RPS6KA6: variants seen among roughly 807,000 people sequenced by gnomAD.
RPS6KA6 encodes ribosomal protein S6 kinase A6.
RPS6KA6 carries 27 observed loss-of-function variants against 65.4 expected under a neutral mutation model. The observed-to-expected ratio is 0.41, with a 90% CI of 0.30 to 0.57. RPS6KA6 has a LOEUF of 0.57. Among genes scored for constraint, RPS6KA6 ranks in the 20% least tolerant of loss-of-function variants. RPS6KA6 has a pLI of 0.24. For synonymous variants in RPS6KA6, 190 were observed against 184.2 expected, an observed-to-expected ratio of 1.03 and a Z score of -0.26; for missense variants, 486 against 555.6, an observed-to-expected ratio of 0.87 and a Z score of 1.26.
chrX:84,102,407 G>C (rs12690094), intron 17 of RPS6KA6, among the ~76,000 whole-genome samples: 6,865 of 110,192 alleles, frequency 0.062, 230 homozygotes, highest in East Asian at 0.21. Flanking sequence ...AGTTTCTATT[G>C]TCTCAAAAGC....
intron 1 of RPS6KA6, among the ~76,000 whole-genome samples, chrX:84,184,583 C>G (rs997955875): frequency 5.4e-5 from 6 of 110,962 alleles, no homozygotes; most frequent in Non-Finnish European, 1.1e-4. Context: ...CCAGATTTAC[C>G]TGCCTTCAAA....
At chrX:84,110,834 TAGCA>T (rs1488515038) in intron 12 of RPS6KA6, among the ~76,000 whole-genome samples, 1 of 111,068 alleles carries the variant, frequency 9.0e-6, no homozygotes, top group Non-Finnish European at 1.9e-5. Context: ...AGTACCTACC[TAGCA>T]ATGAATCTTA....
chrX:84,153,554 A>G (rs931456367), intron 3 of RPS6KA6, among the ~76,000 whole-genome samples: 2 of 111,788 alleles, frequency 1.8e-5, no homozygotes, highest in Non-Finnish European at 1.9e-5. Context: ...CCACTGTTAA[A>G]TAGACAATAA....
chrX:84,081,041 G>A (rs1225279548), intron 20 of RPS6KA6, among the ~76,000 whole-genome samples: 5 of 111,432 alleles, frequency 4.5e-5, no homozygotes, highest in South Asian at 3.8e-4. Context: ...ATCTAAAATC[G>A]ACAATCTAAC....
intron 20 of RPS6KA6, among the ~76,000 whole-genome samples, chrX:84,092,405 C>T (rs1411748076): frequency 9.1e-6 from 1 of 109,872 alleles, no homozygotes. Context: ...GGGCAGATCA[C>T]GAGGTCAAGA....
chrX:84,117,472 A>C lies in RPS6KA6; in HGVS notation c.790-18T>G, dbSNP rs1456283160. 1.2e-5 allele frequency: 13 copies of C among 1,049,801 alleles called. No homozygotes were observed. The highest frequency in any genetic ancestry group is 1.6e-5 in the Non-Finnish European group (12 of 771,980). 86.5% of individuals were successfully genotyped at this position (1,049,801 alleles called of 1,213,427 possible). On this transcript the variant is annotated intron_variant, in intron 9 of 21. Coordinates refer to ENST00000262752, the MANE Select transcript of RPS6KA6 (RefSeq NM_014496.5). ...ATTTCAAACTAAAACAAACAAACAA[A>C]ACACACCACACAATTAGAACACCTT...
At chrX:84,164,437 T>C (rs770089994) in intron 1 of RPS6KA6, 50 bp from the exon 2 acceptor site, 1 of 885,665 alleles carries the variant, frequency 1.1e-6, no homozygotes, top group Non-Finnish European at 1.6e-6. Context: ...AAAACAAGAG[T>C]GATAACTAAG....
At position 84,060,987 on chromosome X, in the gene RPS6KA6, G is replaced by A. The variant is rs1025600727; in HGVS notation, c.*3290C>T. 5 of 112,398 alleles carry A rather than the reference G, an allele frequency of 4.4e-5. No individual in the cohort carries two copies. The highest frequency in any genetic ancestry group is 1.6e-4 in the African/African-American group (5 of 30,958). 9.3% of individuals were successfully genotyped at this position (112,398 alleles called of 1,213,427 possible). A position where few individuals can be genotyped will look rare whatever the true frequency, so the allele number is the denominator to read the frequency against. On this transcript the variant is annotated 3_prime_UTR_variant, in exon 22 of 22. Transcript: ENST00000262752. The stretch of plus-strand genomic sequence containing the variant: ...ATGGATATCCTGATTTGGGGAAGAG[G>A]AAGAGGAAGGAACAAGGAGTAAGGA...
intron 6 of RPS6KA6, among the ~76,000 whole-genome samples, chrX:84,139,759 A>C (rs2147526054): frequency 8.9e-6 from 1 of 112,578 alleles, no homozygotes; most frequent in African/African-American, 3.2e-5. Flanking sequence ...GAAAAATCTA[A>C]AACACAGGAC....
intron 6 of RPS6KA6, among the ~76,000 whole-genome samples, chrX:84,137,772 T>A (rs2035018949): frequency 8.9e-6 from 1 of 112,389 alleles, no homozygotes; most frequent in African/African-American, 3.2e-5. Context: ...TGTTTGTGCC[T>A]ATTTTCTATT....
intron 20 of RPS6KA6, among the ~76,000 whole-genome samples, chrX:84,086,283 A>T (rs995796547): frequency 9.0e-6 from 1 of 110,980 alleles, no homozygotes; most frequent in Non-Finnish European, 1.9e-5. Flanking sequence ...TAACTTTTTG[A>T]TGTGGACATT....
At chrX:84,132,290 T>C (rs900460377) in intron 8 of RPS6KA6, among the ~76,000 whole-genome samples, 1 of 110,218 alleles carries the variant, frequency 9.1e-6, no homozygotes. Context: ...TGTGGTGGCA[T>C]GTTCCTGAAG....
chrX:84,157,333 T>C (rs1476421502), intron 2 of RPS6KA6, among the ~76,000 whole-genome samples: 4 of 111,911 alleles, frequency 3.6e-5, no homozygotes, highest in Non-Finnish European at 7.5e-5. Flanking sequence ...AGATGTTTCT[T>C]ATACATCAAA....
At chrX:84,087,868 T>C (rs1428056621) in intron 20 of RPS6KA6, among the ~76,000 whole-genome samples, 3 of 112,272 alleles carry the variant, frequency 2.7e-5, no homozygotes, top group Non-Finnish European at 5.6e-5. Flanking sequence ...TTCTTTTTTC[T>C]CTATTCTTGT....
chrX:84,122,519 A>T (rs1271854517), intron 8 of RPS6KA6, among the ~76,000 whole-genome samples: 1 of 108,565 alleles, frequency 9.2e-6, no homozygotes, highest in African/African-American at 3.4e-5. Flanking sequence ...CTTTTAGTAG[A>T]GGCAGGGTTT....
rs1019625031 is a variant in RPS6KA6 at position 84,069,400 on chromosome X, T to C, written c.1972-4289A>G. On this transcript the variant is annotated intron_variant, in intron 20 of 21. Coordinates refer to ENST00000262752, the MANE Select transcript of RPS6KA6 (RefSeq NM_014496.5). ...AACTGGACCCTTTCCTCACACCTTA[T>C]ATAAAAATTAACTCAAGGTGGATTA... Among the ~76,000 whole-genome samples the C allele has an allele frequency of 5.4e-5, 6 of 111,961 alleles. No homozygotes were observed. The Admixed American group carries it at 5.7e-4, about 11-fold the overall frequency.
rs1297731983 is a variant in RPS6KA6 at position 84,104,669 on chromosome X, C to T, written c.1456-12G>A. The T allele has an allele frequency of 3.8e-5, 40 of 1,043,343 alleles. No individual in the cohort carries two copies. Among genetic ancestry groups the T allele is most frequent in the South Asian group, 8.2e-5 (3 of 36,453 alleles). 86.0% of individuals were successfully genotyped at this position (1,043,343 alleles called of 1,213,427 possible). ...CCATCATCAAAGACCTACAAAAGAACGCAGTTTTAAAATGTTATTATTTAT... is the reference window on the plus strand; with the variant it reads ...CCATCATCAAAGACCTACAAAAGAATGCAGTTTTAAAATGTTATTATTTAT... On this transcript the variant is annotated splice_polypyrimidine_tract_variant and intron_variant, in intron 16 of 21. Transcript: ENST00000262752.
chrX:84,145,924 C>T (rs988697882), intron 5 of RPS6KA6, among the ~76,000 whole-genome samples: 1 of 111,535 alleles, frequency 9.0e-6, no homozygotes, highest in East Asian at 2.8e-4. Context: ...GGATTTCCCC[C>T]TTTTCACATT....
intron 20 of RPS6KA6, among the ~76,000 whole-genome samples, chrX:84,091,575 G>A (rs1238941794): frequency 1.8e-5 from 2 of 111,986 alleles, no homozygotes; most frequent in African/African-American, 6.5e-5. Flanking sequence ...AAACAGGAAT[G>A]CTTTTACACT....
Sources: allele counts gnomAD v4.1 joint callset (sites outside exome capture counted in the v4.1 genomes callset), GRCh38; gene constraint gnomAD v4.1.1; transcripts MANE v1.5; gene names NCBI Gene and HGNC (gene_info 2026-07-23, HGNC 2026-07-21).